The following VAC14 variants were observed in gnomAD, a reference collection of about 807,000 sequenced individuals.
The protein encoded by VAC14 is protein VAC14 homolog.
A neutral mutation model predicts 85.3 loss-of-function variants in VAC14; 47 were observed. The ratio of observed to expected loss-of-function variants is 0.55; its 90% CI spans 0.44 to 0.70. The LOEUF (loss-of-function observed/expected upper bound fraction) is 0.70. VAC14 is among the 30% of genes least tolerant of loss of function. The pLI is 0.00. For synonymous variants in VAC14, 447 were observed against 430.5 expected, an observed-to-expected ratio of 1.04 and a Z score of -0.47; for missense variants, 861 against 1,004.3, an observed-to-expected ratio of 0.86 and a Z score of 1.93.
chr16:70,729,334 C>T (rs1056580809), intron 14 of VAC14, among the ~76,000 whole-genome samples: 2 of 152,196 alleles, frequency 1.3e-5, no homozygotes, highest in Non-Finnish European at 2.9e-5. Context: ...CAGGGGCATC[C>T]TTTTGGTGGC....
chr16:70,759,607 G>A (rs984284947), intron 12 of VAC14, among the ~76,000 whole-genome samples: 3 of 152,120 alleles, frequency 2.0e-5, no homozygotes, highest in East Asian at 1.9e-4. Flanking sequence ...TAGCCTGGGC[G>A]AGAGTGAGAT....
intron 13 of VAC14, among the ~76,000 whole-genome samples, chr16:70,741,415 C>T (rs1274584878): frequency 6.6e-6 from 1 of 152,250 alleles, no homozygotes; most frequent in Non-Finnish European, 1.5e-5. Context: ...GCAGGGCACA[C>T]TCTGGCTCCC....
chr16:70,751,590 C>A (rs567869437), intron 12 of VAC14, among the ~76,000 whole-genome samples: 3 of 152,238 alleles, frequency 2.0e-5, no homozygotes, highest in African/African-American at 7.2e-5. Context: ...AGGGGTGCAG[C>A]CTGGCTGGCC....
rs1555523169 is a variant in VAC14 at position 70,761,018 on chromosome 16, T to TGTGTGTGC, written c.1371+1521_1371+1522insGCACACAC. The TGTGTGTGC allele has an allele frequency of 9.0e-5, 24 of 267,834 alleles. 1 individual carries two copies. The highest frequency in any genetic ancestry group is 4.3e-4 in the African/African-American group (10 of 23,496). The allele number at this position is 267,834 out of a possible 1,614,324, so 16.6% of individuals were successfully genotyped here. On this transcript the variant is annotated intron_variant, in intron 12 of 18. Transcript: ENST00000261776. ...GTGTGTGTGTGTGTGTGTGTGTGTGTGCATGGGGGGGCGGGGGGTAGGCAG... is the reference window on the plus strand; with the variant it reads ...GTGTGTGTGTGTGTGTGTGTGTGTGTGTGTGTGCGCATGGGGGGGCGGGGGGTAGGCAG...
intron 12 of VAC14, among the ~76,000 whole-genome samples, chr16:70,746,096 A>G (rs528334856): frequency 6.6e-6 from 1 of 152,216 alleles, no homozygotes; most frequent in Non-Finnish European, 1.5e-5. Flanking sequence ...CCCCCTCAAA[A>G]GCCATTCCTG....
chr16:70,735,104 A>T (rs550548763), intron 13 of VAC14, among the ~76,000 whole-genome samples: 1 of 152,280 alleles, frequency 6.6e-6, no homozygotes, highest in East Asian at 1.9e-4. Context: ...AGGATGCAGG[A>T]AATGACGCTG....
chr16:70,727,239 C>T (rs1161248021), intron 14 of VAC14, among the ~76,000 whole-genome samples: 1 of 152,238 alleles, frequency 6.6e-6, no homozygotes, highest in African/African-American at 2.4e-5. Context: ...TGCCTAACAG[C>T]TAAAGAGGGG....
At chr16:70,742,167 T>C (rs2030386586) in intron 13 of VAC14, among the ~76,000 whole-genome samples, 1 of 152,220 alleles carries the variant, frequency 6.6e-6, no homozygotes, top group Non-Finnish European at 1.5e-5. Context: ...TCAAGTTCTC[T>C]GCTGCTGCCA....
chr16:70,792,824 T>C (rs948046136), intron 1 of VAC14, among the ~76,000 whole-genome samples: 7 of 152,182 alleles, frequency 4.6e-5, no homozygotes, highest in East Asian at 1.9e-4. Context: ...ATGAGGACTA[T>C]TGAGTTGACC....
intron 12 of VAC14, among the ~76,000 whole-genome samples, chr16:70,758,237 G>T (rs1415993398): frequency 6.6e-6 from 1 of 152,184 alleles, no homozygotes; most frequent in African/African-American, 2.4e-5. Context: ...CGACAGACAG[G>T]TCATTATAAT....
At chr16:70,760,772 G>A (rs2032264434) in intron 12 of VAC14, among the ~76,000 whole-genome samples, 1 of 152,150 alleles carries the variant, frequency 6.6e-6, no homozygotes, top group Admixed American at 6.5e-5. Flanking sequence ...AAACAACTCA[G>A]TTTAAAGGAC....
intron 13 of VAC14, among the ~76,000 whole-genome samples, chr16:70,739,676 G>A (rs2030067646): frequency 6.6e-6 from 1 of 152,206 alleles, no homozygotes; most frequent in Non-Finnish European, 1.5e-5. Flanking sequence ...GCCAGCACGC[G>A]TGAGTGCTCA....
At chr16:70,790,619 CAG>C (rs59893311) in intron 1 of VAC14, among the ~76,000 whole-genome samples, 6,424 of 152,240 alleles carry the variant, frequency 0.042, 463 homozygotes, top group African/African-American at 0.15. Flanking sequence ...GCAAAAGTAA[CAG>C]GGCCTCCTGA....
At position 70,687,741 on chromosome 16, in the gene VAC14, G is replaced by C. The variant is rs921892035; in HGVS notation, c.*187C>G. 4 of 549,982 alleles carry C rather than the reference G, an allele frequency of 7.3e-6. No individual in the cohort carries two copies. In the African/African-American group the frequency reaches 7.8e-5, roughly 11 times the overall value. The allele number at this position is 549,982 out of a possible 1,614,324, so 34.1% of individuals were successfully genotyped here. On this transcript the variant is annotated 3_prime_UTR_variant, in exon 19 of 19. Transcript: ENST00000261776. ...ATGCCAGGGTGCAGCTGACAGCGCT[G>C]GAGGCCTGGGGACTGGACTCTGAGA... is the stretch of plus-strand genomic sequence containing the variant.
chr16:70,710,263 T>G (rs983500452), intron 14 of VAC14, among the ~76,000 whole-genome samples: 1 of 152,242 alleles, frequency 6.6e-6, no homozygotes, highest in African/African-American at 2.4e-5. Context: ...CAGACCTCCC[T>G]TCCCTGGCTG....
At chr16:70,703,256 A>G (rs1471364317) in intron 14 of VAC14, among the ~76,000 whole-genome samples, 1 of 152,186 alleles carries the variant, frequency 6.6e-6, no homozygotes, top group African/African-American at 2.4e-5. Flanking sequence ...ATATTTTCCA[A>G]CACCCGCATG....
chr16:70,783,192 G>A, intron 6 of VAC14, 53 bp from the exon 7 acceptor site: 4 of 1,573,092 alleles, frequency 2.5e-6, no homozygotes, highest in African/African-American at 1.4e-5. Flanking sequence ...AGGGCTGGAG[G>A]AGCCTCAAAC....
intron 17 of VAC14, among the ~76,000 whole-genome samples, chr16:70,693,915 T>C (rs2053651775): frequency 6.6e-6 from 1 of 152,142 alleles, no homozygotes; most frequent in Non-Finnish European, 1.5e-5. Context: ...GGCCAGGGTG[T>C]TGGTGCGCAG....
intron 1 of VAC14, among the ~76,000 whole-genome samples, chr16:70,796,746 C>T (rs986253117): frequency 2.0e-5 from 3 of 152,198 alleles, no homozygotes; most frequent in South Asian, 2.1e-4. Flanking sequence ...ACTTTATATA[C>T]GTGCACTCCC....
Sources: allele counts gnomAD v4.1 joint callset (sites outside exome capture counted in the v4.1 genomes callset), GRCh38; gene constraint gnomAD v4.1.1; transcripts MANE v1.5; gene names NCBI Gene and HGNC (gene_info 2026-07-23, HGNC 2026-07-21).